The following EIF3I variants were observed in gnomAD, a reference collection of about 807,000 sequenced individuals.
EIF3I encodes TGF-beta receptor-interacting protein 1.
In EIF3I, 20 loss-of-function variants were observed where a neutral mutation model predicts 43.3. The ratio of observed to expected loss-of-function variants is 0.46; its 90% CI spans 0.32 to 0.67. The LOEUF (loss-of-function observed/expected upper bound fraction) is 0.67, where lower values mean the gene tolerates loss of function less well. EIF3I is among the 30% of genes least tolerant of loss of function. EIF3I has a pLI of 0.03. For missense variants in EIF3I, 279 were observed against 421.4 expected (o/e 0.66, Z 2.96); for synonymous variants, 167 against 151.7 (o/e 1.10, Z -0.74).
chr1:32,228,249 A>G (rs1639177609), intron 6 of EIF3I, among the ~76,000 whole-genome samples: 1 of 152,182 alleles, frequency 6.6e-6, no homozygotes, highest in South Asian at 2.1e-4. Context: ...AGGGTTATCA[A>G]TGGCCAGATT....
chr1:32,224,262 G>A lies in EIF3I; in HGVS notation c.184+141G>A, dbSNP rs929508884. 1.0e-5 allele frequency: 11 copies of A among 1,099,698 alleles called. No homozygotes were observed. In the African/African-American group the frequency reaches 1.5e-4, roughly 15 times the overall value. 68.1% of individuals were successfully genotyped at this position (1,099,698 alleles called of 1,614,324 possible). On this transcript the variant is annotated intron_variant, in intron 3 of 11. Coordinates refer to ENST00000676679, the Ensembl canonical transcript of EIF3I. ...CTCCCTGGTCTCTTCACTGACTGAG[G>A]AAACATTCAGGACAAATTCCAGTTC... is the stretch of plus-strand genomic sequence containing the variant.
At chr1:32,232,860 A>G (rs1249579482), downstream of EIF3I, among the ~76,000 whole-genome samples, 1 of 152,160 alleles carries the variant, frequency 6.6e-6, no homozygotes, top group East Asian at 1.9e-4. Flanking sequence ...ACTAAATCTG[A>G]TCTTCACCCT....
chr1:32,229,348 C>A (rs994205421), intron 9 of EIF3I, 140 bp downstream of exon 9: 62 of 832,612 alleles, frequency 7.4e-5, no homozygotes, highest in Non-Finnish European at 1.1e-4. Context: ...GCAAGCTCTG[C>A]CTCCCGGGTT....
In EIF3I at chr1:32,227,297, A is replaced by G. The variant is rs566536510; in HGVS notation, c.528+767A>G. On this transcript the variant is annotated intron_variant, in intron 6 of 11. Coordinates refer to ENST00000676679, the Ensembl canonical transcript of EIF3I. The stretch of plus-strand genomic sequence containing the variant: ...CTCTAAAAAAAAAAAAAAAAAAAAA[A>G]AAGTTAATAAAAAATTTTAAAAAGA... 4.1e-4 allele frequency among the ~76,000 whole-genome samples: 62 copies of G among 151,338 alleles called. No homozygotes were observed. The South Asian group carries it at 0.013, about 31-fold the overall frequency.
chr1:32,230,996 T>C (rs755194672), exon 11 of EIF3I: 1 of 1,611,916 alleles, frequency 6.2e-7, no homozygotes, highest in African/African-American at 1.3e-5. Context: ...TCAACAGTGT[T>C]GCCTTCCATC....
intron 6 of EIF3I, 79 bp from the exon 7 acceptor site, chr1:32,228,420 A>C: frequency 8.3e-7 from 1 of 1,209,304 alleles, no homozygotes; most frequent in Non-Finnish European, 1.2e-6. Flanking sequence ...CTCAGCTTTC[A>C]TTTGGGTGCT....
intron 10 of EIF3I, among the ~76,000 whole-genome samples, chr1:32,230,537 TG>T (rs1385717671): frequency 6.6e-6 from 1 of 152,180 alleles, no homozygotes; most frequent in Non-Finnish European, 1.5e-5. Context: ...CTTTATTTTT[TG>T]TGATACAATT....
chr1:32,225,937 C>T (rs1428122170), intron 4 of EIF3I, among the ~76,000 whole-genome samples: 3 of 151,682 alleles, frequency 2.0e-5, no homozygotes, highest in Admixed American at 6.6e-5. Context: ...AGGAGAATGG[C>T]GTGAACCCGG....
chr1:32,229,872 T>C (rs72666793), intron 9 of EIF3I, among the ~76,000 whole-genome samples: 22,749 of 152,094 alleles, frequency 0.15, 2,435 homozygotes, highest in African/African-American at 0.28. Context: ...TCTCTATGTC[T>C]AAATTTCCTC....
intron 6 of EIF3I, among the ~76,000 whole-genome samples, chr1:32,226,824 CTTTTTTTTTTTTTT>C (rs1216197071): frequency 1.3e-5 from 1 of 78,620 alleles, no homozygotes; most frequent in Non-Finnish European, 2.3e-5. Flanking sequence ...CCGCTCGTGG[CTTTTTTTTTTTTTT>C]TTTTTTTTTT....
chr1:32,226,034 AAAAAG>A, intron 4 of EIF3I, 132 bp from the exon 5 acceptor site: 2 of 1,232,048 alleles, frequency 1.6e-6, no homozygotes, highest in East Asian at 5.1e-5. Flanking sequence ...AAAGAAAAAA[AAAAAG>A]AAAAGTTAAA....
chr1:32,233,306 C>G (rs912745101), downstream of EIF3I, among the ~76,000 whole-genome samples: 3 of 152,168 alleles, frequency 2.0e-5, no homozygotes, highest in Non-Finnish European at 4.4e-5. Context: ...AGGCGGGTGC[C>G]AACATGCCCG....
At chr1:32,229,013 C>T in intron 8 of EIF3I, 122 bp from the exon 9 acceptor site, 1 of 1,179,246 alleles carries the variant, frequency 8.5e-7, no homozygotes. Flanking sequence ...GTCTGATCAT[C>T]CCCTACCTTT....
At chr1:32,231,084 A>C in intron 11 of EIF3I, 31 bp from the exon 11 acceptor site, 1 of 1,613,720 alleles carries the variant, frequency 6.2e-7, no homozygotes, top group Non-Finnish European at 8.5e-7. Flanking sequence ...CAGAGTAAGC[A>C]CCTGACTGGT....
At chr1:32,225,464 C>T (rs1639128477) in intron 4 of EIF3I, among the ~76,000 whole-genome samples, 1 of 152,040 alleles carries the variant, frequency 6.6e-6, no homozygotes, top group African/African-American at 2.4e-5. Flanking sequence ...AATACTTGGC[C>T]AGGTGTGGTG....
At chr1:32,235,762 A>G (rs537038508), downstream of EIF3I, among the ~76,000 whole-genome samples, 56 of 152,166 alleles carry the variant, frequency 3.7e-4, no homozygotes, top group Non-Finnish European at 6.6e-4. Context: ...TGGAAGTATC[A>G]CAACACCCTT....
chr1:32,223,312 C>T (rs1287448016), intron 2 of EIF3I, among the ~76,000 whole-genome samples: 1 of 152,158 alleles, frequency 6.6e-6, no homozygotes, highest in Non-Finnish European at 1.5e-5. Flanking sequence ...GAGACGGAGT[C>T]TCGCTCTGTC....
At chr1:32,233,586 G>A (rs940095428), downstream of EIF3I, among the ~76,000 whole-genome samples, 16 of 152,286 alleles carry the variant, frequency 1.1e-4, no homozygotes, top group African/African-American at 3.4e-4. Context: ...CACCGCGCCC[G>A]GCCAGATTAT....
rs749825674 is a variant in EIF3I, at chr1:32,222,462, G to C, written c.3+18G>C. On this transcript the variant is annotated intron_variant, in intron 1 of 11. Coordinates refer to ENST00000676679, the Ensembl canonical transcript of EIF3I. ...CCGGGATGGTGAGTTTCAGAGTTAG[G>C]GGTATTGCAGTGGGGGTCCTGGGCT... is the stretch of plus-strand genomic sequence containing the variant. 5 of 1,608,848 alleles carry C rather than the reference G, an allele frequency of 3.1e-6. No homozygotes were observed. The highest frequency in any genetic ancestry group is 1.3e-5 in the African/African-American group (1 of 74,828).
Sources: allele counts gnomAD v4.1 joint callset (sites outside exome capture counted in the v4.1 genomes callset), GRCh38; gene constraint gnomAD v4.1.1; transcripts MANE v1.5; gene names NCBI Gene and HGNC (gene_info 2026-07-23, HGNC 2026-07-21).